C1orf21: variants seen among roughly 807,000 people sequenced by gnomAD.
The protein encoded by C1orf21 is uncharacterized protein C1orf21.
C1orf21 carries 3 observed loss-of-function variants against 18.7 expected under a neutral mutation model. The ratio of observed to expected loss-of-function variants is 0.16; its 90% CI spans 0.07 to 0.42. The LOEUF (loss-of-function observed/expected upper bound fraction) is 0.42, where lower values mean the gene tolerates loss of function less well. C1orf21 is among the 10% of genes least tolerant of loss of function. The pLI is 0.99. For missense variants in C1orf21, 104 were observed against 143.6 expected (o/e 0.72, Z 1.41); for synonymous variants, 41 against 46.4 (o/e 0.88, Z 0.47).
chr1:184,566,997 C>T, intron 3 of C1orf21: 1 of 526,308 alleles, frequency 1.9e-6, no homozygotes, highest in Non-Finnish European at 3.9e-6. Context: ...AATCCAAAGA[C>T]TGTGGAATAT....
chr1:184,543,537 G>A (rs1031634678), intron 3 of C1orf21, among the ~76,000 whole-genome samples: 2 of 152,032 alleles, frequency 1.3e-5, no homozygotes, highest in African/African-American at 4.8e-5. Flanking sequence ...ATTTGTCTTG[G>A]TTTTTGGCCC....
chr1:184,407,865 G>C (rs528748424), intron 1 of C1orf21, among the ~76,000 whole-genome samples: 1 of 152,234 alleles, frequency 6.6e-6, no homozygotes, highest in East Asian at 1.9e-4. Context: ...TATATATCTT[G>C]GTTGCGCTGA....
intron 5 of C1orf21, among the ~76,000 whole-genome samples, chr1:184,616,499 T>C (rs148680379): frequency 6.6e-6 from 1 of 152,248 alleles, no homozygotes; most frequent in Non-Finnish European, 1.5e-5. Context: ...AAATGAAAGT[T>C]GCAGAGTCCT....
At chr1:184,490,400 C>T (rs1337397872) in intron 2 of C1orf21, among the ~76,000 whole-genome samples, 1 of 152,188 alleles carries the variant, frequency 6.6e-6, no homozygotes, top group East Asian at 1.9e-4. Context: ...AAAGCCTCAG[C>T]TGAGTCTTAA....
At chr1:184,484,130 T>C (rs1180205651) in intron 2 of C1orf21, among the ~76,000 whole-genome samples, 5 of 152,124 alleles carry the variant, frequency 3.3e-5, no homozygotes, top group African/African-American at 1.2e-4. Context: ...GGTTTCACCA[T>C]TTTGGCCAGG....
In C1orf21 at chr1:184,619,704, T is replaced by A; in HGVS notation, c.*148T>A. ...TATTGTACGCCCCATTAAATTACAG[T>A]GTTTCTTAATGAACTTGCAAAGGAA... On this transcript the variant is annotated 3_prime_UTR_variant, in exon 6 of 6. Transcript: ENST00000235307. The A allele has an allele frequency of 1.7e-6, 1 of 577,884 alleles. No homozygotes were observed. The highest frequency in any genetic ancestry group is 2.9e-6 in the Non-Finnish European group (1 of 346,316). 35.8% of individuals were successfully genotyped at this position (577,884 alleles called of 1,614,324 possible).
intron 2 of C1orf21, among the ~76,000 whole-genome samples, chr1:184,479,918 C>T (rs904587874): frequency 6.6e-6 from 1 of 152,138 alleles, no homozygotes; most frequent in African/African-American, 2.4e-5. Flanking sequence ...CCACCACACC[C>T]GGCCCTCATT....
At chr1:184,532,311 T>G (rs1658475281) in intron 3 of C1orf21, among the ~76,000 whole-genome samples, 2 of 152,106 alleles carry the variant, frequency 1.3e-5, no homozygotes. Context: ...GTTGTAAAGA[T>G]GAGATATGGA....
intron 1 of C1orf21, among the ~76,000 whole-genome samples, chr1:184,450,211 C>T (rs1042012351): frequency 2.0e-5 from 3 of 152,066 alleles, no homozygotes; most frequent in Admixed American, 6.5e-5. Context: ...AGAAGCACCT[C>T]TTATGGGATT....
At chr1:184,431,748 A>G (rs994597964) in intron 1 of C1orf21, among the ~76,000 whole-genome samples, 4 of 152,240 alleles carry the variant, frequency 2.6e-5, no homozygotes, top group African/African-American at 9.6e-5. Context: ...TCCAGAATGT[A>G]CAGGGAACTG....
intron 3 of C1orf21, among the ~76,000 whole-genome samples, chr1:184,552,929 G>A (rs911147284): frequency 2.6e-5 from 4 of 152,060 alleles, no homozygotes; most frequent in African/African-American, 9.7e-5. Flanking sequence ...TTGTCATTTG[G>A]CCTAGAGAAG....
chr1:184,552,828 A>T (rs1268051674), intron 3 of C1orf21, among the ~76,000 whole-genome samples: 1 of 152,216 alleles, frequency 6.6e-6, no homozygotes, highest in Non-Finnish European at 1.5e-5. Flanking sequence ...ATAACAGATG[A>T]TTTATTTTCT....
At chr1:184,539,796 T>C (rs780574150) in intron 3 of C1orf21, among the ~76,000 whole-genome samples, 5 of 152,158 alleles carry the variant, frequency 3.3e-5, no homozygotes, top group Non-Finnish European at 7.3e-5. Context: ...CCAGATGAAA[T>C]GTGAGTGGAG....
At chr1:184,480,412 A>T (rs1178557097) in intron 2 of C1orf21, among the ~76,000 whole-genome samples, 1 of 152,212 alleles carries the variant, frequency 6.6e-6, no homozygotes, top group Non-Finnish European at 1.5e-5. Context: ...ATAACCTTAG[A>T]TTGTCAGAGC....
chr1:184,562,434 A>T (rs1375324771), intron 3 of C1orf21, among the ~76,000 whole-genome samples: 1 of 152,228 alleles, frequency 6.6e-6, no homozygotes, highest in African/African-American at 2.4e-5. Context: ...TCATCTGCAC[A>T]GTTTATCAGT....
chr1:184,609,797 CTG>C (rs1197985986), intron 5 of C1orf21, among the ~76,000 whole-genome samples: 3 of 152,134 alleles, frequency 2.0e-5, no homozygotes, highest in Admixed American at 1.3e-4. Flanking sequence ...AACTAAAACA[CTG>C]TGTCTATAAT....
At chr1:184,430,113 C>CAAAA (rs34368090) in intron 1 of C1orf21, among the ~76,000 whole-genome samples, 2 of 100,316 alleles carry the variant, frequency 2.0e-5, no homozygotes, top group East Asian at 2.8e-4. Flanking sequence ...CTCCGTCTCA[C>CAAAA]AAAAAAAAAA....
chr1:184,410,157 G>T (rs1656309438), intron 1 of C1orf21, among the ~76,000 whole-genome samples: 1 of 152,162 alleles, frequency 6.6e-6, no homozygotes, highest in Non-Finnish European at 1.5e-5. Context: ...TAAAAGATCT[G>T]TGAATAGCTT....
chr1:184,469,190 C>T (rs1317942140), intron 1 of C1orf21, among the ~76,000 whole-genome samples: 2 of 152,142 alleles, frequency 1.3e-5, no homozygotes, highest in African/African-American at 4.8e-5. Flanking sequence ...GCAGAGGTTT[C>T]AGTGAGCCGA....
Sources: allele counts gnomAD v4.1 joint callset (sites outside exome capture counted in the v4.1 genomes callset), GRCh38; gene constraint gnomAD v4.1.1; transcripts MANE v1.5; gene names NCBI Gene and HGNC (gene_info 2026-07-23, HGNC 2026-07-21).